The following SEMA3A variants were observed in gnomAD, a reference collection of about 807,000 sequenced individuals.
The protein encoded by SEMA3A is semaphorin 3A.
In SEMA3A, 29 loss-of-function variants were observed where a neutral mutation model predicts 97.9. That is an observed-to-expected ratio of 0.30 (90% CI 0.22 to 0.40). The LOEUF is 0.40. SEMA3A is among the 10% of genes least tolerant of loss of function. SEMA3A has a pLI of 1.00. For missense variants in SEMA3A, 763 were observed against 951.3 expected (o/e 0.80, Z 2.60); for synonymous variants, 321 against 323.7 (o/e 0.99, Z 0.09).
At chr7:84,433,642 G>A (rs1278414453) in intron 1 of SEMA3A, among the ~76,000 whole-genome samples, 2 of 152,054 alleles carry the variant, frequency 1.3e-5, no homozygotes, top group Non-Finnish European at 2.9e-5. Flanking sequence ...AGATCCTTGA[G>A]GAATTGCCAT....
At chr7:84,485,920 T>C (rs1228932) in intron 1 of SEMA3A, among the ~76,000 whole-genome samples, 69,424 of 152,030 alleles carry the variant, frequency 0.46, 17,518 homozygotes, top group East Asian at 0.78. Flanking sequence ...AATATGAGTC[T>C]TTCATCAAGT....
chr7:84,078,914 C>A lies in SEMA3A; in HGVS notation c.454-18356G>T, dbSNP rs144286120. Among the ~76,000 whole-genome samples, 456 of 152,046 alleles carry A rather than the reference C, an allele frequency of 3.0e-3. 5 individuals carry two copies. Among genetic ancestry groups the A allele is most frequent in the African/African-American group, 0.011 (436 of 41,494 alleles). On this transcript the variant is annotated intron_variant, in intron 4 of 16. Coordinates refer to ENST00000265362, the MANE Select transcript of SEMA3A (RefSeq NM_006080.3). Reference sequence around the variant, plus strand: ...ATACAGGCAGGGCGGTTCTTAGTTACGTAGATACTAAGTGACTTCTTTTGC... The same window carrying A: ...ATACAGGCAGGGCGGTTCTTAGTTAAGTAGATACTAAGTGACTTCTTTTGC...
chr7:84,135,798 T>A (rs1261375286), intron 1 of SEMA3A, among the ~76,000 whole-genome samples: 4 of 152,168 alleles, frequency 2.6e-5, no homozygotes, highest in Non-Finnish European at 5.9e-5. Context: ...ATTTTGGAGC[T>A]GATATATAGA....
intron 3 of SEMA3A, among the ~76,000 whole-genome samples, chr7:84,243,187 C>T (rs1799405606): frequency 6.6e-6 from 1 of 152,096 alleles, no homozygotes; most frequent in African/African-American, 2.4e-5. Flanking sequence ...AGGAGTTCCT[C>T]TTTTTCTATT....
intron 4 of SEMA3A, among the ~76,000 whole-genome samples, chr7:84,066,624 T>C (rs372100637): frequency 6.9e-6 from 1 of 144,940 alleles, no homozygotes; most frequent in Non-Finnish European, 1.5e-5. Context: ...TTATACATCA[T>C]CAACAGACAA....
rs114431693 is a variant in SEMA3A, at chr7:84,006,681, C to G, written c.1140+672G>C. ...TAGTCTTACACTTAAATAATTTCTACCATTTAATGTAAAAGCTTGGGAGCT... is the reference window on the plus strand; with the variant it reads ...TAGTCTTACACTTAAATAATTTCTAGCATTTAATGTAAAAGCTTGGGAGCT... On this transcript the variant is annotated intron_variant, in intron 10 of 16. Coordinates refer to ENST00000265362, the MANE Select transcript of SEMA3A (RefSeq NM_006080.3). Among the ~76,000 whole-genome samples the G allele has an allele frequency of 4.5e-3, 685 of 152,224 alleles. 3 individuals carry two copies. The highest frequency in any genetic ancestry group is 0.016 in the African/African-American group (648 of 41,554).
At chr7:84,394,350 G>A (rs967797772) in intron 1 of SEMA3A, among the ~76,000 whole-genome samples, 2 of 142,112 alleles carry the variant, frequency 1.4e-5, no homozygotes, top group East Asian at 3.9e-4. Flanking sequence ...CACACCATAT[G>A]ATTTAGAAAC....
At chr7:84,403,040 A>C (rs1374359101) in intron 1 of SEMA3A, among the ~76,000 whole-genome samples, 2 of 152,242 alleles carry the variant, frequency 1.3e-5, no homozygotes, top group Admixed American at 6.5e-5. Flanking sequence ...GGAGTGCCGG[A>C]GAGTGGGTGC....
Position 84,060,513 on chromosome 7 carries a change from C to T in SEMA3A, c.499G>A (p.Gly167Arg), listed in dbSNP as rs1793173371. 6.3e-7 allele frequency: 1 copy of T among 1,595,610 alleles called. No individual in the cohort carries two copies. The highest frequency in any genetic ancestry group is 8.5e-7 in the Non-Finnish European group (1 of 1,173,092). ...AGCTTAGGGTCATATGGACTCTTCCCACGGCCGTTTTCAAAATGTGAGTTC... is the reference window on the plus strand; with the variant it reads ...AGCTTAGGGTCATATGGACTCTTCCTACGGCCGTTTTCAAAATGTGAGTTC... ...LENSHFENGRGKSPYDPKLLT... is the reference protein window; with the variant it reads ...LENSHFENGRRKSPYDPKLLT... Residue 167 changes from glycine to arginine, a missense_variant, in exon 5 of 17, where the codon GGG becomes AGG. By Grantham distance (125) the Gly-to-Arg change is moderately radical. Around this residue, in one of 2 missense-constraint regions of SEMA3A, gnomAD observed 678 missense variants for 881.3 expected, o/e 0.77. Coordinates refer to ENST00000265362, the MANE Select transcript of SEMA3A (RefSeq NM_006080.3).
At chr7:84,447,518 C>G (rs1368605544) in intron 1 of SEMA3A, among the ~76,000 whole-genome samples, 1 of 152,150 alleles carries the variant, frequency 6.6e-6, no homozygotes, top group Non-Finnish European at 1.5e-5. Flanking sequence ...TAAAACTCCC[C>G]GAACTCAGCT....
intron 3 of SEMA3A, among the ~76,000 whole-genome samples, chr7:84,209,071 A>G (rs2116314752): frequency 6.6e-6 from 1 of 152,298 alleles, no homozygotes; most frequent in Non-Finnish European, 1.5e-5. Flanking sequence ...TTGTTCCTCC[A>G]AGAGTTTTAT....
intron 3 of SEMA3A, among the ~76,000 whole-genome samples, chr7:84,267,063 G>A (rs1471254731): frequency 6.6e-6 from 1 of 152,002 alleles, no homozygotes; most frequent in Non-Finnish European, 1.5e-5. Context: ...AAGCACACAG[G>A]TTGAACATCT....
At chr7:84,189,477 G>A (rs559956043) in intron 1 of SEMA3A, among the ~76,000 whole-genome samples, 3 of 151,784 alleles carry the variant, frequency 2.0e-5, no homozygotes, top group Admixed American at 1.3e-4. Context: ...AAGTTGTGAA[G>A]GTGTGGTATT....
intron 1 of SEMA3A, among the ~76,000 whole-genome samples, chr7:84,425,878 C>CACACA (rs543736541): frequency 1.7e-3 from 79 of 45,778 alleles, no homozygotes; most frequent in East Asian, 9.1e-3. Flanking sequence ...ACACACACAC[C>CACACA]CACACACACA....
intron 4 of SEMA3A, among the ~76,000 whole-genome samples, chr7:84,063,972 T>A (rs1793367812): frequency 6.6e-6 from 1 of 150,754 alleles, no homozygotes; most frequent in African/African-American, 2.4e-5. Flanking sequence ...AATTGTCAGA[T>A]TCACCAAAGT....
chr7:84,482,954 T>C (rs1806485082), intron 1 of SEMA3A, among the ~76,000 whole-genome samples: 1 of 151,690 alleles, frequency 6.6e-6, no homozygotes, highest in African/African-American at 2.4e-5. Flanking sequence ...ACAAATCTAA[T>C]CTCTTTCAGC....
chr7:84,445,516 A>AAAAAAAAAAAAAAAAAAAAAAAG (rs1805391070), intron 1 of SEMA3A, among the ~76,000 whole-genome samples: 4 of 123,746 alleles, frequency 3.2e-5, no homozygotes, highest in Admixed American at 1.8e-4. Context: ...AAAAAAAAAA[A>AAAAAAAAAAAAAAAAAAAAAAAG]AAAAGAAAAG....
intron 3 of SEMA3A, among the ~76,000 whole-genome samples, chr7:84,270,455 GT>G (rs977577552): frequency 1.0e-4 from 15 of 150,180 alleles, no homozygotes; most frequent in Non-Finnish European, 2.2e-4. Context: ...CTGACTCTTA[GT>G]TTTTTTGCTT....
intron 3 of SEMA3A, among the ~76,000 whole-genome samples, chr7:84,256,881 T>A (rs745309676): frequency 1.2e-4 from 19 of 152,250 alleles, no homozygotes; most frequent in Non-Finnish European, 2.2e-4. Flanking sequence ...GACTATCTGA[T>A]GAATTTTCTC....
Sources: gnomAD v4.1 joint callset for allele counts (sites outside exome capture counted in the v4.1 genomes callset) on GRCh38, gnomAD v4.1.1 for gene constraint, gnomAD v4.1.1 regional missense constraint, MANE v1.5 for transcripts, NCBI Gene and HGNC (gene_info 2026-07-23, HGNC 2026-07-21) for gene names.